The following MROH9 variants were observed in gnomAD, a reference collection of about 807,000 sequenced individuals.
MROH9 encodes the protein maestro heat like repeat family member 9.
In MROH9, 92 loss-of-function variants were observed where a neutral mutation model predicts 98.2. That is an observed-to-expected ratio of 0.94 (90% CI 0.79 to 1.11). The LOEUF (loss-of-function observed/expected upper bound fraction) is 1.11, where lower values mean the gene tolerates loss of function less well. Ranked by LOEUF, MROH9 falls within the 50% of genes most tolerant of loss-of-function variation. The probability of loss-of-function intolerance (pLI) is 0.00; values close to 1 mark genes in which losing one functional copy is unlikely to be tolerated. For synonymous variants in MROH9, 397 were observed against 368.9 expected (o/e 1.08, Z -0.87); for missense variants, 1,057 against 1,014.8 (o/e 1.04, Z -0.57).
chr1:171,035,107 A>T (rs1182204048), intron 20 of MROH9, among the ~76,000 whole-genome samples: 1 of 152,180 alleles, frequency 6.6e-6, no homozygotes, highest in African/African-American at 2.4e-5. Flanking sequence ...TAATATCTTC[A>T]TAACTGAAGA....
chr1:171,021,836 T>A (rs561031197), intron 17 of MROH9, among the ~76,000 whole-genome samples: 3 of 150,980 alleles, frequency 2.0e-5, no homozygotes, highest in South Asian at 2.1e-4. Context: ...TGGGAAAAAA[T>A]TTTTGCAATC....
At chr1:171,011,027 T>A (rs1016219196) in intron 15 of MROH9, among the ~76,000 whole-genome samples, 1 of 152,204 alleles carries the variant, frequency 6.6e-6, no homozygotes, top group African/African-American at 2.4e-5. Context: ...CATGCCTACA[T>A]CCTGAATGGT....
chr1:171,053,227 A>G (rs1252322108), intron 20 of MROH9, among the ~76,000 whole-genome samples: 1 of 152,192 alleles, frequency 6.6e-6, no homozygotes, highest in African/African-American at 2.4e-5. Context: ...CTGAGGCCCA[A>G]GACAAATGCT....
At chr1:171,005,882 G>T (rs1458693568) in intron 15 of MROH9, among the ~76,000 whole-genome samples, 2 of 151,826 alleles carry the variant, frequency 1.3e-5, no homozygotes, top group Admixed American at 1.3e-4. Flanking sequence ...TTTTTATATT[G>T]TGTGTTCATT....
At position 170,996,534 on chromosome 1, in the gene MROH9, G is replaced by T. The variant is rs770896656; in HGVS notation, c.1365G>T (p.Leu455=). 2 of 1,613,472 alleles carry T rather than the reference G, an allele frequency of 1.2e-6. No homozygotes were observed. Among genetic ancestry groups the T allele is most frequent in the South Asian group, 1.1e-5 (1 of 91,036 alleles). The change falls in exon 14 of 22, where the codon CTG becomes CTT. Residue 455 remains leucine, a synonymous_variant. Transcript: ENST00000367759. ...ALYAQDALRV[L]LNCSGLQQVD... ...ATGCCCAGGATGCCCTGAGAGTTCT[G>T]CTGAATTGTTCTGGACTGCAACAGG... is the stretch of plus-strand genomic sequence containing the variant.
At chr1:170,944,446 C>A (rs185909707) in intron 1 of MROH9, among the ~76,000 whole-genome samples, 7 of 151,930 alleles carry the variant, frequency 4.6e-5, no homozygotes, top group Middle Eastern at 3.4e-3. Flanking sequence ...ATGTAATAAA[C>A]AACAATGGAT....
chr1:171,029,402 G>A (rs1652831896), intron 20 of MROH9, among the ~76,000 whole-genome samples: 1 of 151,972 alleles, frequency 6.6e-6, no homozygotes, highest in Non-Finnish European at 1.5e-5. Flanking sequence ...TAGAGACGAG[G>A]TTTCACCATG....
In MROH9 at chr1:170,986,732, A is replaced by C. The variant is rs780000822; in HGVS notation, c.879+22A>C. The C allele has an allele frequency of 1.9e-6, 3 of 1,609,844 alleles. No individual in the cohort carries two copies. The African/African-American group carries it at 4.0e-5, about 22-fold the overall frequency. On this transcript the variant is annotated intron_variant, in intron 10 of 21. Coordinates refer to ENST00000367759, the MANE Select transcript of MROH9 (RefSeq NM_001163629.2). ...CATGGTAAGATACTTGACAATAAGC[A>C]GGAGAGCACAGGGTTTACTCTCTAA...
At chr1:171,057,117 T>C (rs947993799) in intron 20 of MROH9, among the ~76,000 whole-genome samples, 2 of 152,166 alleles carry the variant, frequency 1.3e-5, no homozygotes, top group Non-Finnish European at 2.9e-5. Flanking sequence ...GAGGATGAGA[T>C]GGATGAATTG....
chr1:171,023,560 C>T (rs1652586094), intron 17 of MROH9, among the ~76,000 whole-genome samples: 2 of 151,850 alleles, frequency 1.3e-5, no homozygotes, highest in Non-Finnish European at 2.9e-5. Flanking sequence ...TTTTTTAATG[C>T]AATCTGAATT....
chr1:170,977,833 G>T (rs1003342988), intron 8 of MROH9, among the ~76,000 whole-genome samples: 2 of 152,190 alleles, frequency 1.3e-5, no homozygotes, highest in African/African-American at 4.8e-5. Flanking sequence ...ACACCAGAGA[G>T]ATGCAGGTCA....
chr1:171,064,265 CAATTAT>C lies in MROH9; in HGVS notation c.2514_2519del (p.Tyr839_Asn840del). ...ACATCAAAAAATTGAAGCCTCTTTA[CAATTAT>C]AACTCACCCAATGGCCAGATAGACA... On this transcript the variant is annotated inframe_deletion, in exon 22 of 22. Coordinates refer to ENST00000367759, the MANE Select transcript of MROH9 (RefSeq NM_001163629.2). The C allele has an allele frequency of 6.4e-7, 1 of 1,551,358 alleles. No individual in the cohort carries two copies. The highest frequency in any genetic ancestry group is 8.7e-7 in the Non-Finnish European group (1 of 1,146,842).
chr1:171,041,179 G>C (rs890705060), intron 20 of MROH9, among the ~76,000 whole-genome samples: 3 of 151,450 alleles, frequency 2.0e-5, no homozygotes, highest in Non-Finnish European at 3.0e-5. Context: ...ATTCCACTCT[G>C]TATGTCCATG....
intron 20 of MROH9, among the ~76,000 whole-genome samples, chr1:171,048,032 C>A (rs763713653): frequency 6.6e-6 from 1 of 152,178 alleles, no homozygotes; most frequent in Non-Finnish European, 1.5e-5. Context: ...CTGTTGTGAA[C>A]CACCTAAAGC....
rs1242090796 is a variant in MROH9 at position 170,992,336 on chromosome 1, A to G, written c.1194+7A>G. The G allele has an allele frequency of 6.2e-7, 1 of 1,611,304 alleles. No individual in the cohort carries two copies. ...CAACTTGATGCCTTTGGCGGTAAAT[A>G]ACACGATGAGTGTTTCTTCTTCTCA... is the stretch of plus-strand genomic sequence containing the variant. On this transcript the variant is annotated splice_region_variant and intron_variant, in intron 12 of 21. Coordinates refer to ENST00000367759, the MANE Select transcript of MROH9 (RefSeq NM_001163629.2).
At chr1:170,935,660 A>G (rs1306606913) in intron 1 of MROH9, 73 bp downstream of exon 1, 1 of 152,052 alleles carries the variant, frequency 6.6e-6, no homozygotes, top group Non-Finnish European at 1.5e-5. Flanking sequence ...TACTTTTCTT[A>G]ATTTTTGTTC....
intron 20 of MROH9, among the ~76,000 whole-genome samples, chr1:171,044,970 A>ATTT: frequency 4.8e-5 from 2 of 41,356 alleles, no homozygotes; most frequent in Non-Finnish European, 1.1e-4. Flanking sequence ...TTCTGCTCTG[A>ATTT]TCTTTTTTTT....
chr1:171,020,989 A>AAG (rs1652497647), intron 17 of MROH9, among the ~76,000 whole-genome samples: 1 of 152,222 alleles, frequency 6.6e-6, no homozygotes, highest in African/African-American at 2.4e-5. Flanking sequence ...GAGCCAAATC[A>AAG]TGAATGAACA....
At chr1:171,047,196 A>G (rs1653497074) in intron 20 of MROH9, among the ~76,000 whole-genome samples, 2 of 152,084 alleles carry the variant, frequency 1.3e-5, no homozygotes, top group African/African-American at 2.4e-5. Flanking sequence ...TTGTACTTGG[A>G]TATAGATATC....
Sources: allele counts gnomAD v4.1 joint callset (sites outside exome capture counted in the v4.1 genomes callset), GRCh38; gene constraint gnomAD v4.1.1; transcripts MANE v1.5; gene names NCBI Gene and HGNC (gene_info 2026-07-23, HGNC 2026-07-21).